GALNTL6: variants seen among roughly 807,000 people sequenced by gnomAD.
The protein encoded by GALNTL6 is polypeptide N-acetylgalactosaminyltransferase like 6.
Under a neutral mutation model 73.7 loss-of-function variants are expected in GALNTL6, and 46 were observed. The ratio of observed to expected loss-of-function variants is 0.62; its 90% CI spans 0.49 to 0.80. GALNTL6 has a LOEUF of 0.80. Ranked by LOEUF, GALNTL6 falls within the 30% of genes least tolerant of loss-of-function variation. The pLI, the probability that GALNTL6 is intolerant of heterozygous loss-of-function variation, is 0.00. For missense variants in GALNTL6, 604 were observed against 755.0 expected, an observed-to-expected ratio of 0.80 and a Z score of 2.34; for synonymous variants, 259 against 263.7, an observed-to-expected ratio of 0.98 and a Z score of 0.17.
intron 3 of GALNTL6, among the ~76,000 whole-genome samples, chr4:172,245,445 T>A (rs1265543148): frequency 6.6e-6 from 1 of 152,168 alleles, no homozygotes; most frequent in African/African-American, 2.4e-5. Flanking sequence ...AGCATGTATA[T>A]CAACACGTTC....
chr4:171,952,900 T>G (rs1286451129), intron 2 of GALNTL6, among the ~76,000 whole-genome samples: 2 of 152,156 alleles, frequency 1.3e-5, no homozygotes, highest in Non-Finnish European at 2.9e-5. Flanking sequence ...TTGAAATTAT[T>G]CATCAATAAT....
intron 2 of GALNTL6, among the ~76,000 whole-genome samples, chr4:172,113,483 A>G (rs1732909499): frequency 6.6e-6 from 1 of 152,068 alleles, no homozygotes; most frequent in East Asian, 1.9e-4. Flanking sequence ...TAGACAGTAC[A>G]ATGACTATAT....
At chr4:172,483,794 G>A (rs754252269) in intron 5 of GALNTL6, among the ~76,000 whole-genome samples, 4 of 152,058 alleles carry the variant, frequency 2.6e-5, no homozygotes, top group African/African-American at 7.2e-5. Context: ...ACATCCAGTC[G>A]GAAGACATCA....
At chr4:172,328,235 T>C (rs1741009952) in intron 4 of GALNTL6, among the ~76,000 whole-genome samples, 1 of 152,180 alleles carries the variant, frequency 6.6e-6, no homozygotes, top group African/African-American at 2.4e-5. Context: ...TTCTTTCTTG[T>C]AGAGTTTCTG....
At chr4:172,249,493 C>A (rs905024396) in intron 3 of GALNTL6, among the ~76,000 whole-genome samples, 2 of 152,170 alleles carry the variant, frequency 1.3e-5, no homozygotes, top group Admixed American at 6.5e-5. Context: ...ATGTTAATCA[C>A]CAAGACAATG....
At chr4:172,241,458 A>G (rs1340348066) in intron 3 of GALNTL6, among the ~76,000 whole-genome samples, 1 of 152,222 alleles carries the variant, frequency 6.6e-6, no homozygotes, top group Admixed American at 6.5e-5. Context: ...CTCTTTTGGC[A>G]CATCTGTGCC....
intron 2 of GALNTL6, among the ~76,000 whole-genome samples, chr4:171,917,357 G>A (rs867846102): frequency 2.8e-4 from 43 of 152,106 alleles, no homozygotes; most frequent in African/African-American, 1.0e-3. Context: ...AATTTGCCAA[G>A]GATTTGAACC....
At chr4:172,882,967 A>T in intron 8 of GALNTL6, 60 bp downstream of exon 8, 1 of 891,934 alleles carries the variant, frequency 1.1e-6, no homozygotes, top group African/African-American at 1.7e-5. Context: ...CTGATAGAAT[A>T]TCAGCATGTT....
intron 10 of GALNTL6, among the ~76,000 whole-genome samples, chr4:172,991,393 G>A (rs577616448): frequency 1.3e-5 from 2 of 150,026 alleles, no homozygotes; most frequent in South Asian, 4.3e-4. Flanking sequence ...CCCAGTTTTT[G>A]TTTTTTTTTG....
intron 5 of GALNTL6, among the ~76,000 whole-genome samples, chr4:172,688,655 G>T (rs1733075969): frequency 1.3e-5 from 2 of 152,160 alleles, no homozygotes; most frequent in African/African-American, 4.8e-5. Context: ...TTAGGTCTGT[G>T]CTCCAGCCTC....
intron 3 of GALNTL6, among the ~76,000 whole-genome samples, chr4:172,290,706 T>C (rs1245672370): frequency 2.0e-5 from 3 of 151,948 alleles, no homozygotes; most frequent in Non-Finnish European, 4.4e-5. Context: ...TGGTGGGATA[T>C]AATATACAAT....
At chr4:172,292,597 A>G (rs1739513431) in intron 3 of GALNTL6, among the ~76,000 whole-genome samples, 1 of 152,138 alleles carries the variant, frequency 6.6e-6, no homozygotes, top group South Asian at 2.1e-4. Flanking sequence ...ATGGTTGTTT[A>G]TTTCCTTTCT....
chr4:172,915,265 T>C (rs1158506720), intron 8 of GALNTL6, among the ~76,000 whole-genome samples: 1 of 152,182 alleles, frequency 6.6e-6, no homozygotes, highest in Non-Finnish European at 1.5e-5. Flanking sequence ...GAGGGAAATT[T>C]GTAACACTAA....
intron 5 of GALNTL6, among the ~76,000 whole-genome samples, chr4:172,728,351 C>T (rs1735948945): frequency 6.6e-6 from 1 of 152,158 alleles, no homozygotes; most frequent in South Asian, 2.1e-4. Context: ...TTAGTTCTCA[C>T]ATAGGAGTGA....
chr4:172,745,950 A>G (rs1054423648), intron 5 of GALNTL6, among the ~76,000 whole-genome samples: 6 of 152,102 alleles, frequency 3.9e-5, no homozygotes, highest in Non-Finnish European at 7.4e-5. Flanking sequence ...CTAAGACATT[A>G]CTGGTTTTAA....
chr4:172,202,241 A>G (rs1410130834), intron 2 of GALNTL6, among the ~76,000 whole-genome samples: 1 of 152,210 alleles, frequency 6.6e-6, no homozygotes, highest in African/African-American at 2.4e-5. Flanking sequence ...GTCTCTAGGT[A>G]TGATGAGCAC....
intron 7 of GALNTL6, among the ~76,000 whole-genome samples, chr4:172,862,640 C>T (rs938437840): frequency 4.0e-5 from 6 of 151,892 alleles, no homozygotes; most frequent in Admixed American, 2.0e-4. Context: ...GTGGAGGTTG[C>T]GGTGAGCCAA....
rs140587962 is a variant in GALNTL6, at chr4:172,609,205, C to A, written c.554-200156C>A. On this transcript the variant is annotated intron_variant, in intron 5 of 12. Transcript: ENST00000506823. ...GTTGAATAGGAGTAGTGAGAGTGGGCATCCTTGTCTTGTTCCAGTTCTCAT... is the reference window on the plus strand; with the variant it reads ...GTTGAATAGGAGTAGTGAGAGTGGGAATCCTTGTCTTGTTCCAGTTCTCAT... Among the ~76,000 whole-genome samples the A allele has an allele frequency of 1.0e-3, 155 of 152,216 alleles. 2 individuals carry two copies. The highest frequency in any genetic ancestry group is 3.4e-3 in the African/African-American group (142 of 41,548).
chr4:172,598,840 C>A (rs1043388704), intron 5 of GALNTL6, among the ~76,000 whole-genome samples: 1 of 152,172 alleles, frequency 6.6e-6, no homozygotes. Flanking sequence ...TAATTAATGC[C>A]ACTCACTTTA....
Sources: gnomAD v4.1 joint callset for allele counts (sites outside exome capture counted in the v4.1 genomes callset) on GRCh38, gnomAD v4.1.1 for gene constraint, MANE v1.5 for transcripts, NCBI Gene and HGNC (gene_info 2026-07-23, HGNC 2026-07-21) for gene names.